CSMD1: variants seen among roughly 807,000 people sequenced by gnomAD.
CSMD1 encodes CUB and Sushi multiple domains 1, also known as CUB and sushi domain-containing protein 1.
Under a neutral mutation model 417.5 loss-of-function variants are expected in CSMD1, and 213 were observed. The ratio of observed to expected loss-of-function variants is 0.51; its 90% CI spans 0.46 to 0.57. The LOEUF is 0.57. Ranked by LOEUF, CSMD1 falls within the 20% of genes least tolerant of loss-of-function variation. The probability of loss-of-function intolerance (pLI) is 0.00; values close to 1 mark genes in which losing one functional copy is unlikely to be tolerated. For missense variants in CSMD1, 6,923 were observed against 4,529.7 expected (o/e 1.53, Z -15.17); for synonymous variants, 2,862 against 1,736.8 (o/e 1.65, Z -16.11).
At chr8:4,360,163 G>C (rs374791077) in intron 3 of CSMD1, among the ~76,000 whole-genome samples, 1 of 152,130 alleles carries the variant, frequency 6.6e-6, no homozygotes, top group Non-Finnish European at 1.5e-5. Context: ...TGAACTACAC[G>C]TGAGAGTGAC....
chr8:4,133,569 T>G (rs1449600930), intron 3 of CSMD1, among the ~76,000 whole-genome samples: 1 of 152,208 alleles, frequency 6.6e-6, no homozygotes, highest in Non-Finnish European at 1.5e-5. Flanking sequence ...AGGAAAGCCG[T>G]GCATTAACGC....
At chr8:3,575,460 T>C (rs1205517437) in intron 9 of CSMD1, among the ~76,000 whole-genome samples, 2 of 152,134 alleles carry the variant, frequency 1.3e-5, no homozygotes, top group African/African-American at 4.8e-5. Flanking sequence ...GCGACTGCAG[T>C]AAGATAGAGG....
At chr8:4,201,162 T>G (rs1203051208) in intron 3 of CSMD1, among the ~76,000 whole-genome samples, 1 of 152,152 alleles carries the variant, frequency 6.6e-6, no homozygotes, top group Non-Finnish European at 1.5e-5. Context: ...ATGACTACTG[T>G]AAGGATTAAG....
chr8:4,418,221 T>C (rs963079928), intron 3 of CSMD1, among the ~76,000 whole-genome samples: 3 of 152,140 alleles, frequency 2.0e-5, no homozygotes, highest in African/African-American at 7.2e-5. Context: ...AAAATCATTT[T>C]CTACATAGCC....
intron 6 of CSMD1, among the ~76,000 whole-genome samples, chr8:3,738,303 G>T (rs1277116188): frequency 1.3e-5 from 2 of 152,178 alleles, no homozygotes. Context: ...TTAGATATTT[G>T]TATGTGTATT....
intron 5 of CSMD1, among the ~76,000 whole-genome samples, chr8:3,785,150 T>TC (rs1799385524): frequency 6.6e-6 from 1 of 152,218 alleles, no homozygotes; most frequent in African/African-American, 2.4e-5. Flanking sequence ...CTTTAACTTC[T>TC]CTTGGCCTTA....
intron 7 of CSMD1, among the ~76,000 whole-genome samples, chr8:3,649,711 T>C (rs1227367178): frequency 6.6e-6 from 1 of 152,194 alleles, no homozygotes; most frequent in Non-Finnish European, 1.5e-5. Context: ...ATCGGGATTA[T>C]AATTCAAGAT....
chr8:3,623,101 A>G (rs1796335001), intron 7 of CSMD1, among the ~76,000 whole-genome samples: 1 of 152,238 alleles, frequency 6.6e-6, no homozygotes, highest in South Asian at 2.1e-4. Flanking sequence ...TTAAAGAAAG[A>G]TATGTAATTA....
At chr8:3,370,603 A>T (rs1809884901) in intron 18 of CSMD1, among the ~76,000 whole-genome samples, 1 of 152,232 alleles carries the variant, frequency 6.6e-6, no homozygotes, top group African/African-American at 2.4e-5. Context: ...AATTTGAGTC[A>T]GTGGACTGAG....
At chr8:4,228,562 C>T (rs1045346229) in intron 3 of CSMD1, among the ~76,000 whole-genome samples, 1 of 149,234 alleles carries the variant, frequency 6.7e-6, no homozygotes, top group Non-Finnish European at 1.5e-5. Flanking sequence ...CTTTTAGTAT[C>T]CTTGGCAATT....
At chr8:4,198,442 G>A (rs1362709412) in intron 3 of CSMD1, among the ~76,000 whole-genome samples, 2 of 152,140 alleles carry the variant, frequency 1.3e-5, no homozygotes, top group East Asian at 1.9e-4. Context: ...TACCTGTGGT[G>A]GTTAGGTAAA....
At chr8:4,911,189 T>C (rs149052066) in intron 1 of CSMD1, among the ~76,000 whole-genome samples, 3 of 152,342 alleles carry the variant, frequency 2.0e-5, no homozygotes, top group East Asian at 1.9e-4. Context: ...CTAATACCAA[T>C]GCACATTAAA....
intron 1 of CSMD1, among the ~76,000 whole-genome samples, chr8:4,756,622 T>C (rs1318263477): frequency 2.6e-5 from 4 of 152,192 alleles, no homozygotes; most frequent in Non-Finnish European, 5.9e-5. Flanking sequence ...GGCTCACTAA[T>C]TGTCTCACTC....
chr8:3,995,392 T>G (rs190003648), intron 5 of CSMD1, among the ~76,000 whole-genome samples: 13 of 152,288 alleles, frequency 8.5e-5, no homozygotes, highest in Non-Finnish European at 1.9e-4. Flanking sequence ...AAACACTCTG[T>G]TGACCCACGA....
chr8:4,790,013 G>T (rs1563391469), intron 1 of CSMD1, among the ~76,000 whole-genome samples: 1 of 152,128 alleles, frequency 6.6e-6, no homozygotes, highest in Non-Finnish European at 1.5e-5. Flanking sequence ...CCAAGTTATA[G>T]TGATGAAAAG....
intron 7 of CSMD1, among the ~76,000 whole-genome samples, chr8:3,625,382 TC>T (rs771040657): frequency 2.2e-4 from 34 of 152,130 alleles, no homozygotes; most frequent in Admixed American, 1.8e-3. Flanking sequence ...GGCTGCATTT[TC>T]CAAGTGTTTA....
Position 4,346,216 on chromosome 8 carries a change from G to A in CSMD1, c.415+73737C>T, listed in dbSNP as rs573826906. 2.6e-5 allele frequency among the ~76,000 whole-genome samples: 4 copies of A among 152,188 alleles called. No individual in the cohort carries two copies. In the South Asian group the frequency reaches 8.3e-4, roughly 32 times the overall value. Reference sequence around the variant, plus strand: ...TTTATCTGGACAGCTCATTTGCTAAGAATGATTTTTATATTTTGAAATGAC... The same window carrying A: ...TTTATCTGGACAGCTCATTTGCTAAAAATGATTTTTATATTTTGAAATGAC... On this transcript the variant is annotated intron_variant, in intron 3 of 69. Coordinates refer to ENST00000635120, the MANE Select transcript of CSMD1 (RefSeq NM_033225.6).
rs1369901113 is a variant in CSMD1 at position 3,097,022 on chromosome 8, T to C, written c.6965A>G (p.Asn2322Ser). 8 of 1,546,658 alleles carry C rather than the reference T, an allele frequency of 5.2e-6. No individual in the cohort carries two copies. Among genetic ancestry groups the C allele is most frequent in the Non-Finnish European group, 7.0e-6 (8 of 1,145,646 alleles). ...LPTCEAQCPANEVRTGSSGVI... is the reference protein window; with the variant it reads ...LPTCEAQCPASEVRTGSSGVI... ...TCCCGATGATCCAGTCCGGACTTCA[T>C]TTGCTGGGCATTGTGCTGGAGAGAA... The change falls in exon 47 of 70, where the codon AAT becomes AGT. Residue 2322 changes from asparagine (N) to serine (S), a missense_variant. Physicochemically the swap from Asn to Ser is conservative, Grantham distance 46. Transcript: ENST00000635120.
At chr8:3,988,194 C>A (rs922899053) in intron 5 of CSMD1, among the ~76,000 whole-genome samples, 1 of 151,972 alleles carries the variant, frequency 6.6e-6, no homozygotes, top group South Asian at 2.1e-4. Context: ...GCAGTAAGAC[C>A]CTGGTGAGTC....
Sources: allele counts gnomAD v4.1 joint callset (sites outside exome capture counted in the v4.1 genomes callset), GRCh38; gene constraint gnomAD v4.1.1; transcripts MANE v1.5; gene names NCBI Gene and HGNC (gene_info 2026-07-23, HGNC 2026-07-21).